The following GABRB1 variants were observed in gnomAD, a reference collection of about 807,000 sequenced individuals.
The protein encoded by GABRB1 is gamma-aminobutyric acid receptor subunit beta-1.
GABRB1 carries 17 observed loss-of-function variants against 51.6 expected under a neutral mutation model. The observed-to-expected ratio is 0.33, with a 90% CI of 0.23 to 0.49. The LOEUF (loss-of-function observed/expected upper bound fraction) is 0.49. Ranked by LOEUF, GABRB1 falls within the 20% of genes least tolerant of loss-of-function variation. GABRB1 has a pLI of 0.99. For synonymous variants in GABRB1, 247 were observed against 218.9 expected (o/e 1.13, Z -1.14); for missense variants, 410 against 600.6 (o/e 0.68, Z 3.32).
intron 3 of GABRB1, among the ~76,000 whole-genome samples, chr4:47,125,769 A>G (rs1716104525): frequency 6.8e-6 from 1 of 147,988 alleles, no homozygotes; most frequent in African/African-American, 2.5e-5. Context: ...TTTAGCCGGG[A>G]TGGTCTCAAT....
intron 3 of GABRB1, among the ~76,000 whole-genome samples, chr4:47,078,004 A>G (rs1359644048): frequency 7.2e-6 from 1 of 137,976 alleles, no homozygotes; most frequent in Non-Finnish European, 1.5e-5. Flanking sequence ...ATATATATAT[A>G]TTGGGAAGGA....
intron 1 of GABRB1, among the ~76,000 whole-genome samples, chr4:47,019,211 C>G (rs4368579): frequency 0.48 from 73,437 of 151,718 alleles, 17,924 homozygotes; most frequent in East Asian, 0.51. Context: ...CCTAGATGCT[C>G]GGCCCTTTTC....
intron 3 of GABRB1, among the ~76,000 whole-genome samples, chr4:47,149,100 G>A (rs374949974): frequency 1.3e-5 from 2 of 151,950 alleles, no homozygotes; most frequent in South Asian, 2.1e-4. Context: ...ACCTATCAAA[G>A]GAAGATATTA....
At chr4:47,134,130 C>A (rs1292031105) in intron 3 of GABRB1, among the ~76,000 whole-genome samples, 2 of 152,092 alleles carry the variant, frequency 1.3e-5, no homozygotes, top group East Asian at 1.9e-4. Context: ...AAAGTCTTTT[C>A]TTCTAGGTTT....
intron 3 of GABRB1, among the ~76,000 whole-genome samples, chr4:47,149,762 A>C (rs1019676726): frequency 2.6e-5 from 1 of 38,888 alleles, no homozygotes; most frequent in Non-Finnish European, 5.1e-5. Flanking sequence ...AATATTCTCA[A>C]ATCATTTTTT....
chr4:47,158,588 G>A (rs1717798642), intron 3 of GABRB1, among the ~76,000 whole-genome samples: 2 of 152,108 alleles, frequency 1.3e-5, no homozygotes, highest in Non-Finnish European at 2.9e-5. Flanking sequence ...ATCGGTATAA[G>A]CTGACACATG....
chr4:47,045,256 G>C (rs1432363309), intron 3 of GABRB1, among the ~76,000 whole-genome samples: 3 of 151,940 alleles, frequency 2.0e-5, no homozygotes, highest in Non-Finnish European at 4.4e-5. Flanking sequence ...GGAAACCCAG[G>C]ATTTATGATT....
chr4:47,179,977 A>G (rs1044555913), intron 4 of GABRB1, among the ~76,000 whole-genome samples: 1 of 152,142 alleles, frequency 6.6e-6, no homozygotes, highest in African/African-American at 2.4e-5. Flanking sequence ...AGGCTGAGGC[A>G]GTAGAATTGC....
chr4:47,404,531 CATTTCTGGCTAAACTA>C (rs1728506190), intron 7 of GABRB1, among the ~76,000 whole-genome samples: 1 of 122,232 alleles, frequency 8.2e-6, no homozygotes, highest in Admixed American at 9.2e-5. Context: ...ACACACACAT[CATTTCTGGCTAAACTA>C]ACATATTTCA....
chr4:47,198,907 A>T (rs1371872625), intron 4 of GABRB1, among the ~76,000 whole-genome samples: 1 of 152,180 alleles, frequency 6.6e-6, no homozygotes, highest in African/African-American at 2.4e-5. Flanking sequence ...GAGAAAGAGA[A>T]GGAGGAACTG....
chr4:47,005,235 G>A (rs1239393760), intron 1 of GABRB1, among the ~76,000 whole-genome samples: 2 of 152,196 alleles, frequency 1.3e-5, no homozygotes, highest in Non-Finnish European at 2.9e-5. Context: ...TGGCTAACAC[G>A]GTGAAACCCC....
At position 47,377,427 on chromosome 4, in the gene GABRB1, T is replaced by C. The variant is rs148442059; in HGVS notation, c.545-25891T>C. Among the ~76,000 whole-genome samples the C allele has an allele frequency of 3.3e-3, 491 of 150,420 alleles. 6 individuals carry two copies. The highest frequency in any genetic ancestry group is 0.011 in the African/African-American group (448 of 40,830). The stretch of plus-strand genomic sequence containing the variant: ...AGTGTTCGAAGTTTCTTCCTTCTGG[T>C]GGGGTTCGTGGTCTCGGTGGCTCAG... On this transcript the variant is annotated intron_variant, in intron 5 of 8. Coordinates refer to ENST00000295454, the MANE Select transcript of GABRB1 (RefSeq NM_000812.4).
At chr4:47,333,193 TTTATATATATATA>T (rs1725556767) in intron 5 of GABRB1, among the ~76,000 whole-genome samples, 1 of 1,224 alleles carries the variant, frequency 8.2e-4, no homozygotes, top group Non-Finnish European at 2.0e-3. Context: ...ACCCATTTTA[TTTATATATATATA>T]TATATATATA....
intron 4 of GABRB1, among the ~76,000 whole-genome samples, chr4:47,303,461 C>T (rs1205827377): frequency 6.6e-6 from 1 of 151,482 alleles, no homozygotes; most frequent in Non-Finnish European, 1.5e-5. Context: ...TATCAAGTTA[C>T]TTCTTGTGAC....
At chr4:47,124,523 G>A (rs1414974514) in intron 3 of GABRB1, among the ~76,000 whole-genome samples, 1 of 152,020 alleles carries the variant, frequency 6.6e-6, no homozygotes, top group African/African-American at 2.4e-5. Context: ...CTAAAGAAAC[G>A]GAAATCTATA....
At chr4:47,143,942 A>G (rs1025299100) in intron 3 of GABRB1, among the ~76,000 whole-genome samples, 1 of 151,922 alleles carries the variant, frequency 6.6e-6, no homozygotes, top group Non-Finnish European at 1.5e-5. Context: ...AGCACCTAAA[A>G]CTATCTCTAC....
At chr4:46,998,331 A>G (rs1174796797) in intron 1 of GABRB1, among the ~76,000 whole-genome samples, 1 of 152,224 alleles carries the variant, frequency 6.6e-6, no homozygotes, top group Non-Finnish European at 1.5e-5. Flanking sequence ...AAGACAATGT[A>G]TCAATATTTA....
intron 4 of GABRB1, among the ~76,000 whole-genome samples, chr4:47,165,746 A>G (rs932225117): frequency 1.3e-5 from 2 of 151,992 alleles, no homozygotes; most frequent in African/African-American, 2.4e-5. Context: ...AAAATTTCCA[A>G]TTGCTCACTG....
At chr4:47,308,605 T>C (rs1049991659) in intron 4 of GABRB1, among the ~76,000 whole-genome samples, 15 of 152,216 alleles carry the variant, frequency 9.9e-5, no homozygotes, top group African/African-American at 3.6e-4. Context: ...TTTCAGTAAA[T>C]GTGTCTGCTC....
Sources: gnomAD v4.1 joint callset for allele counts (sites outside exome capture counted in the v4.1 genomes callset) on GRCh38, gnomAD v4.1.1 for gene constraint, MANE v1.5 for transcripts, NCBI Gene and HGNC (gene_info 2026-07-23, HGNC 2026-07-21) for gene names.